Variants in CHRDL1 observed in about 807,000 individuals in gnomAD.
CHRDL1 encodes chordin like 1.
CHRDL1 carries 19 observed loss-of-function variants against 40.9 expected under a neutral mutation model. The observed-to-expected ratio is 0.46, with a 90% CI of 0.32 to 0.68. The LOEUF (loss-of-function observed/expected upper bound fraction) is 0.68, where lower values mean the gene tolerates loss of function less well. Ranked by LOEUF, CHRDL1 falls within the 30% of genes least tolerant of loss-of-function variation. The pLI is 0.03. For missense variants in CHRDL1, 329 were observed against 352.1 expected (o/e 0.93, Z 0.53); for synonymous variants, 136 against 123.4 (o/e 1.10, Z -0.68).
intron 2 of CHRDL1, among the ~76,000 whole-genome samples, chrX:110,782,091 T>TATAC (rs2089954562): frequency 8.9e-6 from 1 of 111,976 alleles, no homozygotes; most frequent in African/African-American, 3.2e-5. Flanking sequence ...ATGATAAGTG[T>TATAC]AAAAAGCAGC....
chrX:110,743,004 C>T (rs1386580991), intron 4 of CHRDL1, among the ~76,000 whole-genome samples: 1 of 112,009 alleles, frequency 8.9e-6, no homozygotes, highest in Non-Finnish European at 1.9e-5. Flanking sequence ...CCATACACCA[C>T]AGTAACCACT....
intron 4 of CHRDL1, among the ~76,000 whole-genome samples, chrX:110,737,546 A>C (rs2071283691): frequency 8.9e-6 from 1 of 112,070 alleles, no homozygotes; most frequent in Admixed American, 9.5e-5. Context: ...GAAGATTCCC[A>C]GTGATTCAGA....
chrX:110,756,288 G>A (rs2089451239), intron 4 of CHRDL1, among the ~76,000 whole-genome samples: 1 of 111,976 alleles, frequency 8.9e-6, no homozygotes, highest in African/African-American at 3.2e-5. Context: ...CAATAAATGG[G>A]AGCCAAAGCC....
At chrX:110,748,710 T>C (rs751813950) in intron 4 of CHRDL1, among the ~76,000 whole-genome samples, 1 of 112,194 alleles carries the variant, frequency 8.9e-6, no homozygotes, top group African/African-American at 3.2e-5. Flanking sequence ...TTAAAGACAT[T>C]ATGCTAAGCA....
intron 9 of CHRDL1, among the ~76,000 whole-genome samples, chrX:110,687,530 C>T (rs925433595): frequency 6.2e-5 from 7 of 112,065 alleles, no homozygotes; most frequent in African/African-American, 2.3e-4. Context: ...TATAATTTAG[C>T]TCTCTACCTA....
chrX:110,676,458 C>T, intron 11 of CHRDL1, 97 bp from the exon 12 acceptor site: 1 of 760,820 alleles, frequency 1.3e-6, no homozygotes, highest in Non-Finnish European at 1.8e-6. Context: ...TACCCACTTA[C>T]TCATGGACCT....
intron 2 of CHRDL1, 81 bp from the exon 3 acceptor site, chrX:110,762,888 T>C (rs767975646): frequency 1.8e-5 from 10 of 566,855 alleles, no homozygotes; most frequent in Non-Finnish European, 3.1e-5. Context: ...ACAAGTTCCA[T>C]CCATTTTATT....
At chrX:110,727,969 CATT>C (rs1252191911) in intron 4 of CHRDL1, among the ~76,000 whole-genome samples, 10 of 111,210 alleles carry the variant, frequency 9.0e-5, no homozygotes, top group Non-Finnish European at 1.5e-4. Context: ...AATGATGGCT[CATT>C]ATTATAACAA....
chrX:110,732,129 T>C (rs1308580916), intron 4 of CHRDL1, among the ~76,000 whole-genome samples: 1 of 110,141 alleles, frequency 9.1e-6, no homozygotes, highest in Non-Finnish European at 1.9e-5. Flanking sequence ...GAAAGGTAAA[T>C]TAAAAAGAAA....
At chrX:110,698,600 C>T (rs1264832036) in intron 7 of CHRDL1, among the ~76,000 whole-genome samples, 1 of 112,044 alleles carries the variant, frequency 8.9e-6, no homozygotes, top group Non-Finnish European at 1.9e-5. Flanking sequence ...AAATCAATAA[C>T]TATTTCAAGG....
At chrX:110,783,149 T>C (rs143463920) in intron 2 of CHRDL1, among the ~76,000 whole-genome samples, 2,414 of 112,142 alleles carry the variant, frequency 0.022, 67 homozygotes, top group African/African-American at 0.073. Context: ...TCTTTTGAGA[T>C]GGAGATTTGC....
chrX:110,785,866 C>T (rs1048529951), intron 2 of CHRDL1, among the ~76,000 whole-genome samples: 7 of 112,178 alleles, frequency 6.2e-5, no homozygotes. Context: ...ACATATTAAA[C>T]ATCTATTTAA....
chrX:110,692,795 A>G (rs1353978788), intron 8 of CHRDL1, among the ~76,000 whole-genome samples: 1 of 112,207 alleles, frequency 8.9e-6, no homozygotes, highest in African/African-American at 3.2e-5. Context: ...GCAAATTTCA[A>G]AAGCAATTTA....
chrX:110,759,591 G>C, intron 4 of CHRDL1, 70 bp downstream of exon 4: 2 of 740,339 alleles, frequency 2.7e-6, no homozygotes, highest in Non-Finnish European at 4.3e-6. Context: ...GAATTATGGA[G>C]ATGAGTTGAG....
At chrX:110,689,352 C>T (rs2070107640) in intron 8 of CHRDL1, among the ~76,000 whole-genome samples, 1 of 97,843 alleles carries the variant, frequency 1.0e-5, no homozygotes, top group Admixed American at 1.3e-4. Context: ...TTGCCTCAGC[C>T]TCCTAAAGTG....
chrX:110,713,698 TA>T (rs1448749948), intron 6 of CHRDL1, among the ~76,000 whole-genome samples: 1 of 112,674 alleles, frequency 8.9e-6, no homozygotes, highest in Admixed American at 9.4e-5. Flanking sequence ...TTTTCTGCCT[TA>T]GCTTCCGCAT....
At chrX:110,724,407 G>C (rs1357230448) in intron 4 of CHRDL1, among the ~76,000 whole-genome samples, 2 of 111,390 alleles carry the variant, frequency 1.8e-5, no homozygotes, top group Non-Finnish European at 3.8e-5. Flanking sequence ...TAGGGAGAAA[G>C]AGAAAGAGAG....
chrX:110,786,476 C>T (rs544454403), intron 2 of CHRDL1, among the ~76,000 whole-genome samples: 1 of 111,639 alleles, frequency 9.0e-6, no homozygotes, highest in East Asian at 2.8e-4. Flanking sequence ...TCCCTTGTTC[C>T]ACCTCCCCAG....
At chrX:110,763,379 C>T (rs942754966) in intron 2 of CHRDL1, among the ~76,000 whole-genome samples, 3 of 109,464 alleles carry the variant, frequency 2.7e-5, no homozygotes, top group African/African-American at 1.0e-4. Context: ...ATACGATGTT[C>T]GGTTTCCATT....
Sources: gnomAD v4.1 joint callset for allele counts (sites outside exome capture counted in the v4.1 genomes callset) on GRCh38, gnomAD v4.1.1 for gene constraint, MANE v1.5 for transcripts, NCBI Gene and HGNC (gene_info 2026-07-23, HGNC 2026-07-21) for gene names.